Variants in SLC9A7 observed in about 807,000 individuals in gnomAD.
The protein encoded by SLC9A7 is sodium/hydrogen exchanger 7.
In SLC9A7, 19 loss-of-function variants were observed where a neutral mutation model predicts 52.6. The observed-to-expected ratio is 0.36, with a 90% CI of 0.25 to 0.53. The LOEUF (loss-of-function observed/expected upper bound fraction) is 0.53, where lower values mean the gene tolerates loss of function less well. Ranked by LOEUF, SLC9A7 falls within the 20% of genes least tolerant of loss-of-function variation. The pLI, the probability that SLC9A7 is intolerant of heterozygous loss-of-function variation, is 0.91. For missense variants in SLC9A7, 455 were observed against 597.9 expected, an observed-to-expected ratio of 0.76 and a Z score of 2.49; for synonymous variants, 226 against 252.1, an observed-to-expected ratio of 0.90 and a Z score of 0.98.
rs1212703264 is a variant in SLC9A7, at chrX:46,603,224, C to T, written c.*3728G>A. 1 of 111,474 alleles carries T rather than the reference C, an allele frequency of 9.0e-6. No homozygotes were observed. Among genetic ancestry groups the T allele is most frequent in the Non-Finnish European group, 1.9e-5 (1 of 53,067 alleles). The allele number at this position is 111,474 out of a possible 1,213,427, so 9.2% of individuals were successfully genotyped here. A position where few individuals can be genotyped will look rare whatever the true frequency, so the allele number is the denominator to read the frequency against. On this transcript the variant is annotated 3_prime_UTR_variant, in exon 17 of 17. Transcript: ENST00000616978. ...AACCATCCCCAACCCACCTTGTTTA[C>T]ATTGGAACTACACTGTCGTAGACAG...
chrX:46,757,104 G>C (rs1922725145), intron 1 of SLC9A7, among the ~76,000 whole-genome samples: 1 of 111,909 alleles, frequency 8.9e-6, no homozygotes, highest in South Asian at 3.7e-4. Context: ...TATTTTCACG[G>C]TTATCTATAT....
At chrX:46,643,437 T>C (rs752055699) in intron 11 of SLC9A7, 48 bp from the exon 12 acceptor site, 3 of 1,123,723 alleles carry the variant, frequency 2.7e-6, no homozygotes, top group Non-Finnish European at 3.6e-6. Flanking sequence ...TAAATGACAA[T>C]GTTGTCTCAA....
intron 16 of SLC9A7, among the ~76,000 whole-genome samples, chrX:46,609,862 T>C (rs1017196211): frequency 2.7e-5 from 3 of 109,780 alleles, no homozygotes; most frequent in East Asian, 5.8e-4. Context: ...ACCATGTCTC[T>C]ACAAAAAATA....
At position 46,616,752 on chromosome X, in the gene SLC9A7, T is replaced by C. The variant is rs905136812; in HGVS notation, c.1824-3358A>G. Among the ~76,000 whole-genome samples the C allele has an allele frequency of 3.6e-5, 4 of 112,002 alleles. No homozygotes were observed. In the Admixed American group the frequency reaches 3.8e-4, roughly 11 times the overall value. ...GTAGAATTCTAGGTTCAGACTTCTT[T>C]TTTTCATCCTAGAACTTTGAAGACA... On this transcript the variant is annotated intron_variant, in intron 15 of 16. Coordinates refer to ENST00000616978, the MANE Select transcript of SLC9A7 (RefSeq NM_001257291.2).
Position 46,643,330 on chromosome X carries a change from G to A in SLC9A7, c.1522C>T (p.Gln508Ter). The change falls in exon 12 of 17, where the codon CAG becomes TAG. Residue 508 changes from glutamine to a stop codon, truncating the protein, a stop_gained. Coordinates refer to ENST00000616978, the MANE Select transcript of SLC9A7 (RefSeq NM_001257291.2). LOFTEE classifies it high-confidence loss of function. Reference sequence around the variant, plus strand: ...AGAAGGGTGGTCGTGAACATCATCTGGCGAGCATAGGATGCCGTGTCACGG... The same window carrying A: ...AGAAGGGTGGTCGTGAACATCATCTAGCGAGCATAGGATGCCGTGTCACGG... ...AIRDTASYAR[Q>*]MMFTTTLLIV... 1 of 1,210,981 alleles carries A rather than the reference G, an allele frequency of 8.3e-7. No individual in the cohort carries two copies. Among genetic ancestry groups the A allele is most frequent in the East Asian group, 3.0e-5 (1 of 33,848 alleles).
intron 1 of SLC9A7, among the ~76,000 whole-genome samples, chrX:46,712,459 C>T (rs1275764047): frequency 1.8e-5 from 2 of 111,359 alleles, no homozygotes; most frequent in African/African-American, 6.5e-5. Flanking sequence ...TCATTAGTGG[C>T]AGGGATGGCA....
At chrX:46,743,013 T>C (rs998614928) in intron 1 of SLC9A7, among the ~76,000 whole-genome samples, 2 of 109,548 alleles carry the variant, frequency 1.8e-5, no homozygotes, top group African/African-American at 6.7e-5. Flanking sequence ...ATCATGCTAC[T>C]GCACTCCAGC....
chrX:46,736,924 A>G (rs775159254), intron 1 of SLC9A7, among the ~76,000 whole-genome samples: 21 of 111,491 alleles, frequency 1.9e-4, no homozygotes, highest in Non-Finnish European at 3.4e-4. Flanking sequence ...TTAATTTGCA[A>G]TATTATGCAG....
chrX:46,609,376 A>C (rs998735951), intron 16 of SLC9A7, among the ~76,000 whole-genome samples: 1 of 112,270 alleles, frequency 8.9e-6, no homozygotes, highest in African/African-American at 3.2e-5. Flanking sequence ...ATAGTACTCA[A>C]GGAAAGGTCA....
At chrX:46,707,105 T>A (rs1036888434) in intron 1 of SLC9A7, among the ~76,000 whole-genome samples, 26 of 111,589 alleles carry the variant, frequency 2.3e-4, no homozygotes, top group African/African-American at 7.5e-4. Context: ...TCCTCAGTAC[T>A]TTACCTGAAA....
At chrX:46,639,925 G>T (rs968029121) in intron 12 of SLC9A7, among the ~76,000 whole-genome samples, 1 of 111,490 alleles carries the variant, frequency 9.0e-6, no homozygotes, top group African/African-American at 3.3e-5. Flanking sequence ...TGCAAAAATC[G>T]AATGAAAGAA....
At chrX:46,715,694 C>T (rs1944758703) in intron 1 of SLC9A7, among the ~76,000 whole-genome samples, 2 of 111,850 alleles carry the variant, frequency 1.8e-5, no homozygotes, top group Non-Finnish European at 1.9e-5. Flanking sequence ...AAAAGCGATA[C>T]ACATTCAGTA....
chrX:46,693,041 G>A (rs763889769), intron 1 of SLC9A7, among the ~76,000 whole-genome samples: 29 of 111,444 alleles, frequency 2.6e-4, no homozygotes, highest in African/African-American at 7.2e-4. Flanking sequence ...AAAAATGAAT[G>A]ACCAAAATGT....
intron 7 of SLC9A7, among the ~76,000 whole-genome samples, chrX:46,655,421 G>C (rs192785913): frequency 8.9e-6 from 1 of 112,294 alleles, no homozygotes; most frequent in Non-Finnish European, 1.9e-5. Flanking sequence ...CGTGAGCAAC[G>C]CAGAAGACGG....
intron 16 of SLC9A7, among the ~76,000 whole-genome samples, chrX:46,607,784 G>T (rs1602124754): frequency 9.0e-6 from 1 of 111,356 alleles, no homozygotes; most frequent in Admixed American, 9.5e-5. Flanking sequence ...AATGATCGAG[G>T]GAGAGCAAAG....
intron 7 of SLC9A7, among the ~76,000 whole-genome samples, chrX:46,660,513 C>A (rs1262366482): frequency 9.1e-6 from 1 of 109,823 alleles, no homozygotes; most frequent in Non-Finnish European, 1.9e-5. Flanking sequence ...TGAACTCAAA[C>A]AAATTTACAA....
At chrX:46,716,634 G>C (rs957198569) in intron 1 of SLC9A7, among the ~76,000 whole-genome samples, 1 of 111,547 alleles carries the variant, frequency 9.0e-6, no homozygotes, top group Non-Finnish European at 1.9e-5. Flanking sequence ...TAAATGTACT[G>C]ACTCTTCTGG....
intron 1 of SLC9A7, among the ~76,000 whole-genome samples, chrX:46,702,946 T>C (rs758693658): frequency 8.9e-6 from 1 of 112,237 alleles, no homozygotes; most frequent in Non-Finnish European, 1.9e-5. Flanking sequence ...GCATCTGTTT[T>C]ATTTGACTAT....
intron 13 of SLC9A7, among the ~76,000 whole-genome samples, chrX:46,632,136 T>C (rs771843419): frequency 4.4e-5 from 5 of 112,534 alleles, no homozygotes; most frequent in Non-Finnish European, 9.4e-5. Flanking sequence ...ATTAACATTT[T>C]ACTGTATATT....
Sources: allele counts gnomAD v4.1 joint callset (sites outside exome capture counted in the v4.1 genomes callset), GRCh38; gene constraint gnomAD v4.1.1; transcripts MANE v1.5; gene names NCBI Gene and HGNC (gene_info 2026-07-23, HGNC 2026-07-21).